Variants in ZNF44 observed in about 807,000 individuals in gnomAD.
ZNF44 encodes zinc finger protein 44.
Under a neutral mutation model 11.7 loss-of-function variants are expected in ZNF44, and 9 were observed. The observed-to-expected ratio is 0.77, with a 90% CI of 0.46 to 1.35. The LOEUF (loss-of-function observed/expected upper bound fraction) is 1.35, where lower values mean the gene tolerates loss of function less well. Among genes scored for constraint, ZNF44 ranks in the 40% most tolerant of loss-of-function variants. The pLI, the probability that ZNF44 is intolerant of heterozygous loss-of-function variation, is 0.00. For synonymous variants in ZNF44, 224 were observed against 242.7 expected, an observed-to-expected ratio of 0.92 and a Z score of 0.72; for missense variants, 696 against 743.1, an observed-to-expected ratio of 0.94 and a Z score of 0.74.
At chr19:12,231,914 A>C (rs568107610) in intron 2 of ZNF44, among the ~76,000 whole-genome samples, 1 of 152,316 alleles carries the variant, frequency 6.6e-6, no homozygotes, top group South Asian at 2.1e-4. Flanking sequence ...AAAAAGACAC[A>C]AAGTATAGAG....
chr19:12,238,769 C>T (rs1916498816), upstream of ZNF44, among the ~76,000 whole-genome samples: 2 of 152,196 alleles, frequency 1.3e-5, no homozygotes, highest in Non-Finnish European at 2.9e-5. Flanking sequence ...GCACTCCAGC[C>T]TGGGCAGCAG....
intron 5 of ZNF44, among the ~76,000 whole-genome samples, chr19:12,258,307 G>T (rs946030880): frequency 1.4e-5 from 2 of 143,380 alleles, no homozygotes; most frequent in South Asian, 2.2e-4. Flanking sequence ...ATTCCAGCGT[G>T]GGCAACAGAG....
At chr19:12,239,412 CCT>C (rs1491350162), upstream of ZNF44, among the ~76,000 whole-genome samples, 3 of 123,338 alleles carry the variant, frequency 2.4e-5, no homozygotes, top group African/African-American at 1.2e-4. Context: ...CTGCACCTGG[CCT>C]TTTTTTTTTT....
intron 5 of ZNF44, chr19:12,260,535 T>G (rs1222257218): frequency 4.4e-6 from 4 of 915,804 alleles, no homozygotes; most frequent in African/African-American, 1.7e-5. Context: ...CAAGAGCTCC[T>G]GAGCCCCCTG....
chr19:12,242,971 C>T (rs144855433), downstream of ZNF44: 443 of 152,230 alleles, frequency 2.9e-3, no homozygotes, highest in African/African-American at 9.8e-3. Flanking sequence ...GAAATTAAGA[C>T]CCAGCAATAG....
intron 1 of ZNF44, among the ~76,000 whole-genome samples, chr19:12,288,792 A>G (rs1264650411): frequency 1.5e-5 from 2 of 133,386 alleles, no homozygotes; most frequent in African/African-American, 3.1e-5. Flanking sequence ...ATATATATAT[A>G]TATATATATA....
chr19:12,287,017 T>TTA (rs200433952), intron 1 of ZNF44, among the ~76,000 whole-genome samples: 71 of 146,706 alleles, frequency 4.8e-4, no homozygotes, highest in Middle Eastern at 3.5e-3. Context: ...TGCATTCCTT[T>TTA]TATATATATA....
At chr19:12,277,962 T>C (rs1046324998) in intron 1 of ZNF44, among the ~76,000 whole-genome samples, 1 of 152,162 alleles carries the variant, frequency 6.6e-6, no homozygotes, top group Admixed American at 6.5e-5. Flanking sequence ...GACTAAGACA[T>C]ACATTAGAAG....
intron 5 of ZNF44, among the ~76,000 whole-genome samples, chr19:12,260,821 A>C (rs1252872602): frequency 6.6e-6 from 1 of 152,170 alleles, no homozygotes; most frequent in African/African-American, 2.4e-5. Context: ...AGCACAAAGC[A>C]TGTGCTCCCA....
downstream of ZNF44, among the ~76,000 whole-genome samples, chr19:12,245,327 A>G (rs751725704): frequency 1.1e-4 from 16 of 152,204 alleles, no homozygotes; most frequent in Non-Finnish European, 1.6e-4. Flanking sequence ...TTGTTAGTAT[A>G]CAAGTTGTTT....
At chr19:12,291,255 AAAG>A (rs1967995493) in intron 1 of ZNF44, 2 of 455,554 alleles carry the variant, frequency 4.4e-6, no homozygotes, top group Admixed American at 2.4e-5. Context: ...TCCAGCCTAA[AAAG>A]AAGAGAAACT....
chr19:12,248,105 A>G, exon 8 of ZNF44: 1 of 1,308,238 alleles, frequency 7.6e-7, no homozygotes. Context: ...CACATTGTTT[A>G]CATTCATAGC....
upstream of ZNF44, among the ~76,000 whole-genome samples, chr19:12,240,216 G>A (rs1916561678): frequency 6.6e-6 from 1 of 151,978 alleles, no homozygotes; most frequent in South Asian, 2.1e-4. Context: ...GGCTGAGGCA[G>A]GCAGATCACT....
chr19:12,224,890 G>T (rs1391859759), downstream of ZNF44: 6 of 152,084 alleles, frequency 3.9e-5, no homozygotes, highest in African/African-American at 1.4e-4. Flanking sequence ...TATCTTGGGG[G>T]TGACATCTTT....
intron 3 of ZNF44, among the ~76,000 whole-genome samples, chr19:12,230,243 CAAG>C (rs1014795552): frequency 5.9e-5 from 9 of 152,158 alleles, no homozygotes; most frequent in African/African-American, 1.9e-4. Flanking sequence ...TGTGGACTGG[CAAG>C]AAGAAGCCGA....
chr19:12,235,369 G>A (rs2072095873), intron 1 of ZNF44, among the ~76,000 whole-genome samples: 1 of 151,892 alleles, frequency 6.6e-6, no homozygotes, highest in Non-Finnish European at 1.5e-5. Flanking sequence ...ACTCCGTCTC[G>A]TCTCGAAAAA....
intron 1 of ZNF44, among the ~76,000 whole-genome samples, chr19:12,291,532 T>C (rs1968004935): frequency 6.7e-6 from 1 of 150,104 alleles, no homozygotes; most frequent in South Asian, 2.1e-4. Flanking sequence ...ACCCCATCTC[T>C]ACCAAAAATA....
chr19:12,237,593 G>C (rs1403838768), upstream of ZNF44: 1 of 152,966 alleles, frequency 6.5e-6, no homozygotes, highest in African/African-American at 2.4e-5. Flanking sequence ...GAGCCCCTTA[G>C]ACTTGCGGAG....
intron 5 of ZNF44, among the ~76,000 whole-genome samples, chr19:12,254,562 G>A: frequency 6.6e-6 from 1 of 151,954 alleles, no homozygotes; most frequent in East Asian, 1.9e-4. Context: ...GTGAAACCCT[G>A]TCTCTACTAA....
Sources: gnomAD v4.1 joint callset for allele counts (sites outside exome capture counted in the v4.1 genomes callset) on GRCh38, gnomAD v4.1.1 for gene constraint, MANE v1.5 for transcripts, NCBI Gene and HGNC (gene_info 2026-07-23, HGNC 2026-07-21) for gene names.